The following PFDN4 variants were observed in gnomAD, a reference collection of about 807,000 sequenced individuals.
The protein encoded by PFDN4 is prefoldin subunit 4, also known as prefoldin 4.
Under a neutral mutation model 17.6 loss-of-function variants are expected in PFDN4, and 6 were observed. That is an observed-to-expected ratio of 0.34 (90% CI 0.19 to 0.67). The LOEUF (loss-of-function observed/expected upper bound fraction) is 0.67. Ranked by LOEUF, PFDN4 falls within the 30% of genes least tolerant of loss-of-function variation. The pLI is 0.68. For synonymous variants in PFDN4, 48 were observed against 51.1 expected, an observed-to-expected ratio of 0.94 and a Z score of 0.26; for missense variants, 119 against 158.4, an observed-to-expected ratio of 0.75 and a Z score of 1.33.
At chr20:54,209,806 C>T (rs552816591) in intron 1 of PFDN4, among the ~76,000 whole-genome samples, 18 of 152,054 alleles carry the variant, frequency 1.2e-4, no homozygotes, top group African/African-American at 1.7e-4. Context: ...TTCGGGGGCA[C>T]GTAATATGGC....
rs942580535 is a variant in PFDN4, at chr20:54,208,140, G to C, written c.24+16G>C. The C allele has an allele frequency of 5.2e-6, 8 of 1,548,174 alleles. No homozygotes were observed. The highest frequency in any genetic ancestry group is 5.0e-5 in the East Asian group (2 of 40,226). On this transcript the variant is annotated intron_variant, in intron 1 of 3. Transcript: ENST00000371419. ...GAAGAAGGCGGTGAGTGGGGAGCTC[G>C]GGGCTCTGGATGCTCGGGCGGCGCC...
chr20:54,212,195 C>CAA (rs11468663), intron 1 of PFDN4, among the ~76,000 whole-genome samples: 18 of 131,432 alleles, frequency 1.4e-4, no homozygotes, highest in African/African-American at 2.7e-4. Context: ...TCTGTCTCAC[C>CAA]AAAAAAAAAA....
At chr20:54,216,424 A>G (rs1044107978) in intron 3 of PFDN4, among the ~76,000 whole-genome samples, 4 of 152,230 alleles carry the variant, frequency 2.6e-5, no homozygotes, top group African/African-American at 9.6e-5. Flanking sequence ...AAGTCTTCAG[A>G]AGAACTATCA....
chr20:54,218,917 A>G lies in PFDN4; in HGVS notation c.274-102A>G, dbSNP rs1054589811. 7.0e-6 allele frequency: 5 copies of G among 713,718 alleles called. No individual in the cohort carries two copies. The African/African-American group carries it at 9.3e-5, about 13-fold the overall frequency. The allele number at this position is 713,718 out of a possible 1,614,324, so 44.2% of individuals were successfully genotyped here. A position where few individuals can be genotyped will look rare whatever the true frequency, so the allele number is the denominator to read the frequency against. On this transcript the variant is annotated intron_variant, in intron 3 of 3. Coordinates refer to ENST00000371419, the MANE Select transcript of PFDN4 (RefSeq NM_002623.4). ...GTTACTTAGCTGCCTGTCCAAGTTTAGAAGGTTCTTGACCTAAAATTCTTC... is the reference window on the plus strand; with the variant it reads ...GTTACTTAGCTGCCTGTCCAAGTTTGGAAGGTTCTTGACCTAAAATTCTTC...
At chr20:54,215,987 T>C (rs2092761937) in intron 3 of PFDN4, among the ~76,000 whole-genome samples, 1 of 152,244 alleles carries the variant, frequency 6.6e-6, no homozygotes, top group African/African-American at 2.4e-5. Flanking sequence ...TTTAAAAACA[T>C]CGTTTTTGAA....
intron 3 of PFDN4, among the ~76,000 whole-genome samples, chr20:54,217,636 A>G (rs2092764342): frequency 6.6e-6 from 1 of 152,212 alleles, no homozygotes; most frequent in South Asian, 2.1e-4. Flanking sequence ...TGTGGGCTAT[A>G]GTTTGCCCAC....
chr20:54,212,012 G>A lies in PFDN4; in HGVS notation c.25-2339G>A, dbSNP rs149379564. Among the ~76,000 whole-genome samples the A allele has an allele frequency of 8.1e-4, 123 of 152,172 alleles. 4 individuals are homozygous for A. The East Asian group carries it at 0.019, about 23-fold the overall frequency. On this transcript the variant is annotated intron_variant, in intron 1 of 3. Coordinates refer to ENST00000371419, the MANE Select transcript of PFDN4 (RefSeq NM_002623.4). The stretch of plus-strand genomic sequence containing the variant: ...GTTCAAGACCAGCCTGGCCAACATG[G>A]TGAAACCCCTTCTCTACTAAAAATA...
chr20:54,219,792 T>C lies in PFDN4; in HGVS notation c.*642T>C. 2.5e-6 allele frequency: 1 copy of C among 398,350 alleles called. No homozygotes were observed. Among genetic ancestry groups the C allele is most frequent in the Non-Finnish European group, 4.4e-6 (1 of 225,954 alleles). The allele number at this position is 398,350 out of a possible 1,614,324, so 24.7% of individuals were successfully genotyped here. A position where few individuals can be genotyped will look rare whatever the true frequency, so the allele number is the denominator to read the frequency against. ...GAAGAACGTTTTAGAAACCAAGAGATGTGCAGAAAGAAATGTTTAGTGTTT... is the reference window on the plus strand; with the variant it reads ...GAAGAACGTTTTAGAAACCAAGAGACGTGCAGAAAGAAATGTTTAGTGTTT... On this transcript the variant is annotated 3_prime_UTR_variant, in exon 4 of 4. Transcript: ENST00000371419.
At chr20:54,209,712 CAGA>C (rs1420890867) in intron 1 of PFDN4, among the ~76,000 whole-genome samples, 1 of 152,178 alleles carries the variant, frequency 6.6e-6, no homozygotes, top group Non-Finnish European at 1.5e-5. Context: ...GAGGAAATGG[CAGA>C]AGAATGATTT....
chr20:54,217,215 G>A (rs1381638302), intron 3 of PFDN4, among the ~76,000 whole-genome samples: 1 of 152,146 alleles, frequency 6.6e-6, no homozygotes, highest in East Asian at 1.9e-4. Context: ...TCAAGGGTCA[G>A]GGAAGGGCTC....
intron 2 of PFDN4, among the ~76,000 whole-genome samples, chr20:54,215,086 C>T (rs78247109): frequency 1.3e-3 from 203 of 152,260 alleles, no homozygotes; most frequent in African/African-American, 3.8e-3. Context: ...CACCACAGGG[C>T]GCTTATTGTC....
rs2092766705 is a variant in PFDN4, at chr20:54,219,301, C to T, written c.*151C>T. 3.9e-6 allele frequency: 2 copies of T among 516,964 alleles called. No individual in the cohort carries two copies. Among genetic ancestry groups the T allele is most frequent in the Non-Finnish European group, 6.8e-6 (2 of 296,256 alleles). The allele number at this position is 516,964 out of a possible 1,614,324, so 32.0% of individuals were successfully genotyped here. A position where few individuals can be genotyped will look rare whatever the true frequency, so the allele number is the denominator to read the frequency against. On this transcript the variant is annotated 3_prime_UTR_variant, in exon 4 of 4. Coordinates refer to ENST00000371419, the MANE Select transcript of PFDN4 (RefSeq NM_002623.4). ...AAACTTGCCCATTTTCACATGTCTG[C>T]TTATTTATTTTATATTTTTAAAAGA...
chr20:54,216,709 T>G (rs2092762957), intron 3 of PFDN4, among the ~76,000 whole-genome samples: 2 of 152,022 alleles, frequency 1.3e-5, no homozygotes, highest in Admixed American at 1.3e-4. Context: ...CAGGCTGGAG[T>G]GCAATGGCGC....
chr20:54,213,442 C>G (rs1377182387), intron 1 of PFDN4, among the ~76,000 whole-genome samples: 1 of 152,170 alleles, frequency 6.6e-6, no homozygotes, highest in Admixed American at 6.5e-5. Context: ...CAGAGACGCA[C>G]GTTCACATTC....
At chr20:54,215,516 G>A (rs2092761418) in intron 3 of PFDN4, 76 bp downstream of exon 3, 1 of 919,940 alleles carries the variant, frequency 1.1e-6, no homozygotes, top group African/African-American at 1.7e-5. Context: ...TAGGGAAATA[G>A]TAGATGCTAG....
At position 54,214,360 on chromosome 20, in the gene PFDN4, G is replaced by A; in HGVS notation, c.34G>A (p.Asp12Asn). 1 of 1,570,310 alleles carries A rather than the reference G, an allele frequency of 6.4e-7. No individual in the cohort carries two copies. Among genetic ancestry groups the A allele is most frequent in the East Asian group, 2.2e-5 (1 of 44,476 alleles). ...AATMKKAAAE[D>N]VNVTFEDQQK... ...TAAACACTTCTTTCAGGCTGCAGAA[G>A]ATGTCAATGTTACTTTCGAAGATCA... The change falls in exon 2 of 4, where the codon GAT becomes AAT. Residue 12 changes from aspartate (D) to asparagine (N), a missense_variant. Transcript: ENST00000371419.
At chr20:54,215,217 G>T in intron 2 of PFDN4, 83 bp from the exon 3 acceptor site, 1 of 941,774 alleles carries the variant, frequency 1.1e-6, no homozygotes, top group Non-Finnish European at 1.6e-6. Flanking sequence ...CCCTCAGAGA[G>T]TTGCTGTCCC....
At chr20:54,209,584 A>G (rs2092753024) in intron 1 of PFDN4, among the ~76,000 whole-genome samples, 2 of 152,212 alleles carry the variant, frequency 1.3e-5, no homozygotes, top group South Asian at 4.1e-4. Flanking sequence ...CTAGTTTGTT[A>G]AATTGGGCCC....
chr20:54,214,563 A>G, intron 2 of PFDN4, 105 bp downstream of exon 2: 1 of 586,576 alleles, frequency 1.7e-6, no homozygotes, highest in Non-Finnish European at 3.0e-6. Context: ...TGTTTGTTGC[A>G]GATGAATGAC....
Sources: allele counts gnomAD v4.1 joint callset (sites outside exome capture counted in the v4.1 genomes callset), GRCh38; gene constraint gnomAD v4.1.1; transcripts MANE v1.5; gene names NCBI Gene and HGNC (gene_info 2026-07-23, HGNC 2026-07-21).